Variants in GABBR2 observed in about 807,000 individuals in gnomAD.
GABBR2 encodes the protein gamma-aminobutyric acid type B receptor subunit 2.
GABBR2 carries 23 observed loss-of-function variants against 105.6 expected under a neutral mutation model. That is an observed-to-expected ratio of 0.22 (90% confidence interval 0.16 to 0.31). The LOEUF (loss-of-function observed/expected upper bound fraction) is 0.31, where lower values mean the gene tolerates loss of function less well. GABBR2 is among the 10% of genes least tolerant of loss of function. The probability of loss-of-function intolerance (pLI) is 1.00; values close to 1 mark genes in which losing one functional copy is unlikely to be tolerated. For missense variants in GABBR2, 734 were observed against 1,245.5 expected, an observed-to-expected ratio of 0.59 and a Z score of 6.18; for synonymous variants, 478 against 499.7, an observed-to-expected ratio of 0.96 and a Z score of 0.58.
At chr9:98,506,821 C>A (rs1363799410) in intron 3 of GABBR2, among the ~76,000 whole-genome samples, 1 of 152,170 alleles carries the variant, frequency 6.6e-6, no homozygotes, top group Non-Finnish European at 1.5e-5. Context: ...GCCTACATGG[C>A]AATTGGGAGC....
At position 98,468,090 on chromosome 9, in the gene GABBR2, C is replaced by G. The variant is rs928902910; in HGVS notation, c.999+5056G>C. Among the ~76,000 whole-genome samples, 11 of 152,178 alleles carry G rather than the reference C, an allele frequency of 7.2e-5. No individual in the cohort carries two copies. The South Asian group carries it at 1.9e-3, about 26-fold the overall frequency. The stretch of plus-strand genomic sequence containing the variant: ...GTCCAGGGGCTGTCTTCATGAGGTC[C>G]CAGAAAATTGAGCTCTGAATGGGCT... On this transcript the variant is annotated intron_variant, in intron 6 of 18. Coordinates refer to ENST00000259455, the MANE Select transcript of GABBR2 (RefSeq NM_005458.8).
At chr9:98,523,135 C>A (rs113854578) in intron 3 of GABBR2, among the ~76,000 whole-genome samples, 1 of 151,876 alleles carries the variant, frequency 6.6e-6, no homozygotes. Context: ...TGCTTAACTA[C>A]GCTTAATAGC....
Position 98,499,364 on chromosome 9 carries a change from T to G in GABBR2, c.631-2850A>C, listed in dbSNP as rs565088107. ...TTTCACAGATGAGGAAACTGAAGTG[T>G]GATTCCCAGTCCTGGCTGGCTCTTC... On this transcript the variant is annotated intron_variant, in intron 3 of 18. Coordinates refer to ENST00000259455, the MANE Select transcript of GABBR2 (RefSeq NM_005458.8). Among the ~76,000 whole-genome samples, 13 of 152,324 alleles carry G rather than the reference T, an allele frequency of 8.5e-5. No individual in the cohort carries two copies. The East Asian group carries it at 2.5e-3, about 29-fold the overall frequency.
At chr9:98,544,945 T>C (rs1828372508) in intron 2 of GABBR2, among the ~76,000 whole-genome samples, 1 of 152,170 alleles carries the variant, frequency 6.6e-6, no homozygotes, top group African/African-American at 2.4e-5. Context: ...TTAAAAACAC[T>C]GCAAGCCTCC....
intron 1 of GABBR2, among the ~76,000 whole-genome samples, chr9:98,676,754 C>A (rs866955648): frequency 1.4e-4 from 22 of 152,194 alleles, no homozygotes; most frequent in Admixed American, 4.6e-4. Context: ...ATGTCTGGAC[C>A]AGCCATAATG....
intron 1 of GABBR2, among the ~76,000 whole-genome samples, chr9:98,635,815 A>G (rs1258198166): frequency 2.6e-5 from 4 of 152,218 alleles, no homozygotes; most frequent in Non-Finnish European, 5.9e-5. Context: ...GACTGGGTAC[A>G]GGATTCCTCT....
At chr9:98,513,527 C>T (rs1827696811) in intron 3 of GABBR2, among the ~76,000 whole-genome samples, 1 of 151,486 alleles carries the variant, frequency 6.6e-6, no homozygotes, top group African/African-American at 2.4e-5. Context: ...GGTTAATATC[C>T]AGAATCTACA....
At chr9:98,430,280 C>A (rs1348551249) in intron 7 of GABBR2, among the ~76,000 whole-genome samples, 1 of 129,410 alleles carries the variant, frequency 7.7e-6, no homozygotes, top group African/African-American at 2.9e-5. Flanking sequence ...CAGAGCGAGA[C>A]TCCGTCTCAA....
At chr9:98,567,878 T>G (rs1212134978) in intron 2 of GABBR2, among the ~76,000 whole-genome samples, 2 of 152,074 alleles carry the variant, frequency 1.3e-5, no homozygotes, top group African/African-American at 4.8e-5. Flanking sequence ...GTCTCCCTCT[T>G]TTGGGGTGGT....
chr9:98,618,837 A>C (rs925597832), intron 1 of GABBR2, among the ~76,000 whole-genome samples: 2 of 152,154 alleles, frequency 1.3e-5, no homozygotes, highest in African/African-American at 4.8e-5. Flanking sequence ...GTGAGGCACC[A>C]GTGTGACTGT....
At chr9:98,420,802 T>C (rs1007091577) in intron 7 of GABBR2, among the ~76,000 whole-genome samples, 4 of 152,032 alleles carry the variant, frequency 2.6e-5, no homozygotes, top group African/African-American at 9.7e-5. Context: ...GAATCACCTG[T>C]GTAAAGGCCT....
intron 1 of GABBR2, among the ~76,000 whole-genome samples, chr9:98,618,251 G>A (rs534365344): frequency 6.6e-5 from 10 of 152,212 alleles, no homozygotes; most frequent in East Asian, 1.9e-4. Context: ...AGGCACCCTC[G>A]GAAGGGGAAC....
intron 1 of GABBR2, chr9:98,607,592 T>A: frequency 1.5e-6 from 1 of 685,784 alleles, no homozygotes; most frequent in African/African-American, 1.8e-5. Context: ...ATCATCAAAG[T>A]TAATGGCAAA....
chr9:98,539,830 T>C (rs1483689678), intron 3 of GABBR2, among the ~76,000 whole-genome samples: 1 of 150,086 alleles, frequency 6.7e-6, no homozygotes, highest in Non-Finnish European at 1.5e-5. Context: ...GCAGGAGAAT[T>C]GCTTGAACCC....
chr9:98,555,882 A>C (rs1323300554), intron 2 of GABBR2: 1 of 152,390 alleles, frequency 6.6e-6, no homozygotes, highest in Non-Finnish European at 1.5e-5. Flanking sequence ...CAGTTCTCCC[A>C]GCACTGTTTC....
intron 1 of GABBR2, among the ~76,000 whole-genome samples, chr9:98,600,716 T>C (rs1009351770): frequency 6.6e-6 from 1 of 152,184 alleles, no homozygotes; most frequent in Non-Finnish European, 1.5e-5. Context: ...CGTCCAAGAC[T>C]CCATCGTTGC....
At chr9:98,583,283 C>T (rs1006251559) in intron 1 of GABBR2, among the ~76,000 whole-genome samples, 5 of 152,214 alleles carry the variant, frequency 3.3e-5, no homozygotes, top group East Asian at 1.9e-4. Flanking sequence ...ACATGATTCG[C>T]GTCCCAAATA....
chr9:98,469,659 T>C (rs1826628570), intron 6 of GABBR2, among the ~76,000 whole-genome samples: 1 of 152,162 alleles, frequency 6.6e-6, no homozygotes, highest in African/African-American at 2.4e-5. Flanking sequence ...ACCCCCCTTT[T>C]CCAAACAAGG....
chr9:98,360,412 C>T (rs951575353), intron 13 of GABBR2, among the ~76,000 whole-genome samples: 2 of 152,172 alleles, frequency 1.3e-5, no homozygotes, highest in Non-Finnish European at 2.9e-5. Context: ...GAAAAGTAGG[C>T]ACCTGCCAGA....
Sources: gnomAD v4.1 joint callset for allele counts (sites outside exome capture counted in the v4.1 genomes callset) on GRCh38, gnomAD v4.1.1 for gene constraint, MANE v1.5 for transcripts, NCBI Gene and HGNC (gene_info 2026-07-23, HGNC 2026-07-21) for gene names.